RANBP9: variants seen among roughly 807,000 people sequenced by gnomAD.
RANBP9 encodes RAN binding protein 9.
Under a neutral mutation model 84.3 loss-of-function variants are expected in RANBP9, and 15 were observed. The observed-to-expected ratio is 0.18, with a 90% CI of 0.12 to 0.27. The LOEUF (loss-of-function observed/expected upper bound fraction) is 0.27, where lower values mean the gene tolerates loss of function less well. Ranked by LOEUF, RANBP9 falls within the 10% of genes least tolerant of loss-of-function variation. The pLI is 1.00. For missense variants in RANBP9, 809 were observed against 912.8 expected, an observed-to-expected ratio of 0.89 and a Z score of 1.46; for synonymous variants, 392 against 349.6, an observed-to-expected ratio of 1.12 and a Z score of -1.35.
At chr6:13,674,883 T>C (rs922385270) in intron 2 of RANBP9, among the ~76,000 whole-genome samples, 2 of 152,214 alleles carry the variant, frequency 1.3e-5, no homozygotes, top group African/African-American at 2.4e-5. Flanking sequence ...TCTGTCCCCC[T>C]TGATTCAGTC....
At chr6:13,652,447 C>A (rs1482209375) in intron 5 of RANBP9, among the ~76,000 whole-genome samples, 1 of 152,142 alleles carries the variant, frequency 6.6e-6, no homozygotes, top group Non-Finnish European at 1.5e-5. Flanking sequence ...GATTTATTTT[C>A]CTTTATACAA....
At chr6:13,701,722 G>A (rs1416456870) in intron 1 of RANBP9, among the ~76,000 whole-genome samples, 1 of 150,936 alleles carries the variant, frequency 6.6e-6, no homozygotes, top group African/African-American at 2.4e-5. Flanking sequence ...GTGACCCGAC[G>A]TTGTACCACT....
intron 2 of RANBP9, among the ~76,000 whole-genome samples, chr6:13,659,250 A>G (rs1765483732): frequency 8.7e-6 from 1 of 115,072 alleles, no homozygotes. Flanking sequence ...CCCCACACAC[A>G]CACACATACA....
chr6:13,638,752 A>G (rs4715451), intron 9 of RANBP9, among the ~76,000 whole-genome samples: 99,340 of 151,790 alleles, frequency 0.65, 33,350 homozygotes, highest in African/African-American at 0.81. Flanking sequence ...ATTAAGAGAA[A>G]GCCCAAAGTC....
chr6:13,675,037 C>A (rs1407715594), intron 2 of RANBP9, among the ~76,000 whole-genome samples: 1 of 152,088 alleles, frequency 6.6e-6, no homozygotes, highest in African/African-American at 2.4e-5. Context: ...GATAGAGCTA[C>A]GAGAAGCAGC....
intron 8 of RANBP9, 123 bp from the exon 9 acceptor site, chr6:13,639,876 C>G: frequency 1.2e-6 from 1 of 812,044 alleles, no homozygotes. Flanking sequence ...CTTTAGTAAG[C>G]TAAAAATATT....
intron 5 of RANBP9, among the ~76,000 whole-genome samples, chr6:13,648,459 A>G (rs111381453): frequency 2.6e-5 from 4 of 152,096 alleles, no homozygotes; most frequent in East Asian, 1.9e-4. Flanking sequence ...TTTATTTAGC[A>G]TGTTTTCAAG....
intron 1 of RANBP9, among the ~76,000 whole-genome samples, chr6:13,710,493 C>T (rs571841296): frequency 3.9e-5 from 6 of 152,120 alleles, no homozygotes; most frequent in African/African-American, 1.4e-4. Flanking sequence ...AATTAGAAAT[C>T]ATACCTCAGA....
chr6:13,651,911 C>T (rs76068180), intron 5 of RANBP9, among the ~76,000 whole-genome samples: 2,669 of 152,174 alleles, frequency 0.018, 82 homozygotes, highest in African/African-American at 0.061. Flanking sequence ...CTCTGCCCTC[C>T]TCACTCCTCT....
At chr6:13,666,560 G>T (rs537751178) in intron 2 of RANBP9, among the ~76,000 whole-genome samples, 2 of 130,302 alleles carry the variant, frequency 1.5e-5, no homozygotes, top group Non-Finnish European at 3.1e-5. Context: ...AGAAGCGCTT[G>T]AGTCCAGGAG....
In RANBP9 at chr6:13,679,293, C is replaced by T. The variant is rs143191420; in HGVS notation, c.683+17492G>A. On this transcript the variant is annotated intron_variant, in intron 2 of 13. Transcript: ENST00000011619. ...GCTATAAAAATATAAATATACAATA[C>T]CTAAAATTAAGGCCTGGCTATATTT... Among the ~76,000 whole-genome samples the T allele has an allele frequency of 7.8e-3, 1,188 of 152,296 alleles. 13 individuals carry two copies. The highest frequency in any genetic ancestry group is 0.027 in the African/African-American group (1,108 of 41,572).
chr6:13,652,022 C>A (rs373141357), intron 5 of RANBP9, among the ~76,000 whole-genome samples: 8 of 152,166 alleles, frequency 5.3e-5, no homozygotes, highest in African/African-American at 1.9e-4. Flanking sequence ...CTCTACATAT[C>A]CACTTGGCAG....
chr6:13,649,452 GCCA>G (rs1327944209), intron 5 of RANBP9, among the ~76,000 whole-genome samples: 3 of 131,614 alleles, frequency 2.3e-5, no homozygotes, highest in East Asian at 4.3e-4. Flanking sequence ...GTTGCTTAGT[GCCA>G]CAACAGAAAA....
intron 2 of RANBP9, among the ~76,000 whole-genome samples, chr6:13,671,966 CAT>C (rs890498355): frequency 1.4e-4 from 21 of 152,076 alleles, no homozygotes; most frequent in African/African-American, 5.1e-4. Flanking sequence ...ACTGAAGAAA[CAT>C]GTGAATATAG....
chr6:13,625,497 AG>A (rs1764576843), intron 13 of RANBP9, among the ~76,000 whole-genome samples, 155 bp downstream of exon 13: 1 of 152,224 alleles, frequency 6.6e-6, no homozygotes, highest in East Asian at 1.9e-4. Flanking sequence ...CTGGAATTAA[AG>A]GAGGGGGTTT....
At position 13,685,860 on chromosome 6, in the gene RANBP9, A is replaced by C. The variant is rs1766162195; in HGVS notation, c.683+10925T>G. Reference sequence around the variant, plus strand: ...GTGGGAGAATTGCTTGAACCTGGGAAGCAGAGATTGCAGTAAGCCGAAATT... The same window carrying C: ...GTGGGAGAATTGCTTGAACCTGGGACGCAGAGATTGCAGTAAGCCGAAATT... On this transcript the variant is annotated intron_variant, in intron 2 of 13. Transcript: ENST00000011619. 2.0e-5 allele frequency among the ~76,000 whole-genome samples: 3 copies of C among 151,528 alleles called. No individual in the cohort carries two copies. The South Asian group carries it at 6.3e-4, about 32-fold the overall frequency.
Position 13,622,182 on chromosome 6 carries a change from C to T in RANBP9, c.*180G>A, listed in dbSNP as rs1764469875. ...AGAGGTTAAAGATGGAAAATAATTT[C>T]TCCTAACACTAAGTTAGAAAATCAT... On this transcript the variant is annotated 3_prime_UTR_variant, in exon 14 of 14. Transcript: ENST00000011619. The T allele has an allele frequency of 1.9e-6, 1 of 514,774 alleles. No homozygotes were observed. The allele number at this position is 514,774 out of a possible 1,614,324, so 31.9% of individuals were successfully genotyped here.
At chr6:13,629,462 C>CA (rs1364553845) in intron 12 of RANBP9, among the ~76,000 whole-genome samples, 2 of 151,922 alleles carry the variant, frequency 1.3e-5, no homozygotes, top group East Asian at 1.9e-4. Context: ...TATTTTAAAG[C>CA]AAAAAACATT....
chr6:13,626,663 A>G (rs1010960286), intron 12 of RANBP9, among the ~76,000 whole-genome samples: 1 of 152,192 alleles, frequency 6.6e-6, no homozygotes. Flanking sequence ...ACTCTTACCA[A>G]TTTGGAAGGC....
Sources: gnomAD v4.1 joint callset for allele counts (sites outside exome capture counted in the v4.1 genomes callset) on GRCh38, gnomAD v4.1.1 for gene constraint, MANE v1.5 for transcripts, NCBI Gene and HGNC (gene_info 2026-07-23, HGNC 2026-07-21) for gene names.